MAD2L2: variants seen among roughly 807,000 people sequenced by gnomAD.
MAD2L2 encodes the protein mitotic arrest deficient 2 like 2.
Under a neutral mutation model 30.5 loss-of-function variants are expected in MAD2L2, and 17 were observed. That is an observed-to-expected ratio of 0.56 (90% CI 0.38 to 0.84). The LOEUF (loss-of-function observed/expected upper bound fraction) is 0.84, where lower values mean the gene tolerates loss of function less well. Among genes scored for constraint, MAD2L2 ranks in the 40% least tolerant of loss-of-function variants. The pLI is 0.00. For synonymous variants in MAD2L2, 101 were observed against 113.9 expected (o/e 0.89, Z 0.72); for missense variants, 213 against 277.4 (o/e 0.77, Z 1.65).
rs1377489677 is a variant in MAD2L2, at chr1:11,690,944, GTGTT to G, written c.-692+465_-692+468del. Among the ~76,000 whole-genome samples, 3 of 148,066 alleles carry G rather than the reference GTGTT, an allele frequency of 2.0e-5. No homozygotes were observed. Among genetic ancestry groups the G allele is most frequent in the Non-Finnish European group, 3.0e-5 (2 of 66,218 alleles). ...GCCGCGTGTGAGTGTGTGTGTGTGT[GTGTT>G]TGTGTGTGTGTGTATTGGGGCGGTT... On this transcript the variant is annotated intron_variant, in intron 1 of 10. Coordinates refer to the MAD2L2 transcript ENST00000235310. This position sits in a 1 kb window ranked among gnomAD's most constrained non-coding sequence, Gnocchi z 4.2.
chr1:11,676,886 G>T lies in MAD2L2; in HGVS notation c.294C>A (p.Phe98Leu). 6.2e-7 allele frequency: 1 copy of T among 1,614,168 alleles called. No individual in the cohort carries two copies. The highest frequency in any genetic ancestry group is 8.5e-7 in the Non-Finnish European group (1 of 1,180,012). Reference sequence around the variant, plus strand: ...GTGGAGGCTGGGTGATCTCAAAGACGAATTTCTCCACTGGGCGGTGCTCTT... The same window carrying T: ...GTGGAGGCTGGGTGATCTCAAAGACTAATTTCTCCACTGGGCGGTGCTCTT... ...LDKEHRPVEK[F>L]VFEITQPPLL... The change falls in exon 5 of 9, where the codon TTC (phenylalanine) becomes TTA (leucine). Residue 98 changes from phenylalanine (F) to leucine (L), a missense_variant. By Grantham distance (22) the Phe-to-Leu change is conservative (BLOSUM62 0). Transcript: ENST00000376692.
chr1:11,679,964 G>T (rs1358764560), intron 3 of MAD2L2, among the ~76,000 whole-genome samples: 1 of 151,076 alleles, frequency 6.6e-6, no homozygotes, highest in Admixed American at 6.6e-5. Context: ...GAATGAGGTG[G>T]CTTGGCCCGA....
intron 1 of MAD2L2, 90 bp from the exon 2 acceptor site, chr1:11,680,703 CTG>C: frequency 6.8e-7 from 1 of 1,479,790 alleles, no homozygotes. Flanking sequence ...TCCCCACAGT[CTG>C]TGGGAACTGG....
chr1:11,686,725 C>T (rs1446055938), intron 1 of MAD2L2, among the ~76,000 whole-genome samples: 2 of 142,588 alleles, frequency 1.4e-5, no homozygotes, highest in African/African-American at 5.2e-5. Flanking sequence ...ATGCCTTACA[C>T]AACATCAGGA....
rs1006902993 is a variant in MAD2L2 at position 11,688,712 on chromosome 1, C to T, written c.-692+2701G>A. On this transcript the variant is annotated intron_variant, in intron 1 of 10. Transcript: ENST00000235310. The surrounding 1 kb of genome is among the most constrained non-coding windows in gnomAD (Gnocchi z 4.6). ...TAGAGGTGTCTGAACCAGAGCAACCCCATCTTGAGTAGGGGCTGGGTCAAA... is the reference window on the plus strand; with the variant it reads ...TAGAGGTGTCTGAACCAGAGCAACCTCATCTTGAGTAGGGGCTGGGTCAAA... Among the ~76,000 whole-genome samples the T allele has an allele frequency of 3.3e-5, 5 of 152,190 alleles. No homozygotes were observed. The highest frequency in any genetic ancestry group is 1.2e-4 in the African/African-American group (5 of 41,446).
rs1305752522 is a variant in MAD2L2 at position 11,687,681 on chromosome 1, T to A, written c.-692+3732A>T. 6.6e-6 allele frequency among the ~76,000 whole-genome samples: 1 copy of A among 152,248 alleles called. No individual in the cohort carries two copies. Among genetic ancestry groups the A allele is most frequent in the Non-Finnish European group, 1.5e-5 (1 of 68,046 alleles). On this transcript the variant is annotated intron_variant, in intron 1 of 10. Coordinates refer to the MAD2L2 transcript ENST00000235310. This position sits in a 1 kb window ranked among gnomAD's most constrained non-coding sequence, Gnocchi z 4.1. ...ATGAGCCACTGCGCCTGACCTGGAC[T>A]TGCCAATACGGAACATTCCATATAA...
At chr1:11,684,174 G>A (rs921065559), upstream of MAD2L2, among the ~76,000 whole-genome samples, 4 of 152,094 alleles carry the variant, frequency 2.6e-5, no homozygotes, top group Admixed American at 6.5e-5. Flanking sequence ...CCATGGGGGC[G>A]GGGGCAGGGG....
intron 1 of MAD2L2, among the ~76,000 whole-genome samples, chr1:11,686,776 A>G (rs1393157149): frequency 2.7e-5 from 4 of 149,944 alleles, no homozygotes; most frequent in Non-Finnish European, 5.9e-5. Flanking sequence ...GCCACAAGGT[A>G]AGAACTTTTG....
chr1:11,676,163 C>G (rs373373788), intron 5 of MAD2L2, 23 bp from the exon 6 acceptor site: 1 of 1,509,214 alleles, frequency 6.6e-7, no homozygotes, highest in Non-Finnish European at 9.1e-7. Flanking sequence ...GGAGGTCTTC[C>G]CATCACACTG....
Position 11,687,062 on chromosome 1 carries a change from T to A in MAD2L2, c.-692+4351A>T, listed in dbSNP as rs1165177076. Among the ~76,000 whole-genome samples the A allele has an allele frequency of 3.3e-5, 5 of 152,228 alleles. No individual in the cohort carries two copies. The highest frequency in any genetic ancestry group is 3.4e-3 in the Middle Eastern group (1 of 294). ...TGTTCTATGGATTGTCCAATTTTTT[T>A]ATTTTTTTATTTTATTTTTTGGAGA... On this transcript the variant is annotated intron_variant, in intron 1 of 10. Transcript: ENST00000235310. This position sits in a 1 kb window ranked among gnomAD's most constrained non-coding sequence, Gnocchi z 4.1.
At chr1:11,677,473 T>G in intron 4 of MAD2L2, 70 bp downstream of exon 4, 1 of 1,432,588 alleles carries the variant, frequency 7.0e-7, no homozygotes, top group South Asian at 1.1e-5. Flanking sequence ...ATCCCAGAGT[T>G]GGACTGTGAG....
rs1466602746 is a variant in MAD2L2, at chr1:11,674,837, G to C, written c.595-21C>G. On this transcript the variant is annotated intron_variant, in intron 8 of 8. Coordinates refer to ENST00000376692, the MANE Select transcript of MAD2L2 (RefSeq NM_006341.4). This position sits in a 1 kb window ranked among gnomAD's most constrained non-coding sequence, Gnocchi z 6.1. ...TGCATCTGACGGACACAAGCAAACA[G>C]CCACAGTCAGCAAGACAGCCAGGGC... 1.2e-6 allele frequency: 2 copies of C among 1,613,370 alleles called. No homozygotes were observed. The highest frequency in any genetic ancestry group is 2.7e-5 in the African/African-American group (2 of 74,932).
intron 8 of MAD2L2, 74 bp downstream of exon 8, chr1:11,675,008 T>C: frequency 1.5e-6 from 2 of 1,369,832 alleles, no homozygotes; most frequent in Non-Finnish European, 2.0e-6. Flanking sequence ...AGCCCTCTAG[T>C]AAGGCCTCAG....
Position 11,677,425 on chromosome 1 carries a change from G to A in MAD2L2, c.231+118C>T, listed in dbSNP as rs751815993. 7.1e-6 allele frequency: 7 copies of A among 989,418 alleles called. No homozygotes were observed. In the South Asian group the frequency reaches 9.3e-5, roughly 13 times the overall value. The allele number at this position is 989,418 out of a possible 1,614,324, so 61.3% of individuals were successfully genotyped here. ...TGCAGGGAACAGGCTTCTGGGTATT[G>A]GAGCCATGAAGACCCCACAGAGTCC... is the stretch of plus-strand genomic sequence containing the variant. On this transcript the variant is annotated intron_variant, in intron 4 of 8. Transcript: ENST00000376692.
At chr1:11,684,792 C>A (rs1640931120), upstream of MAD2L2, among the ~76,000 whole-genome samples, 1 of 152,192 alleles carries the variant, frequency 6.6e-6, no homozygotes, top group African/African-American at 2.4e-5. Context: ...GTGAGACACA[C>A]ATAGCCTGGT....
chr1:11,687,082 T>C lies in MAD2L2; in HGVS notation c.-692+4331A>G, dbSNP rs560997420. On this transcript the variant is annotated intron_variant, in intron 1 of 10. Transcript: ENST00000235310. The surrounding 1 kb of genome is among the most constrained non-coding windows in gnomAD (Gnocchi z 4.1). ...TTTTTTATTTTTTTATTTTATTTTT[T>C]GGAGACAGGGTCTCACTCTGTCATC... Among the ~76,000 whole-genome samples the C allele has an allele frequency of 1.4e-4, 22 of 152,166 alleles. No homozygotes were observed. Among genetic ancestry groups the C allele is most frequent in the Non-Finnish European group, 2.4e-4 (16 of 68,036 alleles).
chr1:11,689,843 T>G (rs1367086319), intron 1 of MAD2L2, among the ~76,000 whole-genome samples: 3 of 152,042 alleles, frequency 2.0e-5, no homozygotes, highest in Non-Finnish European at 2.9e-5. Flanking sequence ...ACCCCTTTCC[T>G]GTAACAACAT....
At chr1:11,682,527 A>C (rs891552627), upstream of MAD2L2, among the ~76,000 whole-genome samples, 1 of 146,446 alleles carries the variant, frequency 6.8e-6, no homozygotes, top group African/African-American at 2.5e-5. Flanking sequence ...TAAGTAACCC[A>C]TTAAGCTAGG....
upstream of MAD2L2, among the ~76,000 whole-genome samples, chr1:11,685,442 G>T (rs1375314049): frequency 6.6e-6 from 1 of 152,130 alleles, no homozygotes; most frequent in Non-Finnish European, 1.5e-5. Flanking sequence ...AAAAGCAAGG[G>T]CTGTGGCATG....
Sources: allele counts gnomAD v4.1 joint callset (sites outside exome capture counted in the v4.1 genomes callset), GRCh38; gene constraint gnomAD v4.1.1; non-coding constraint Gnocchi (gnomAD v3.1); transcripts MANE v1.5; gene names NCBI Gene and HGNC (gene_info 2026-07-23, HGNC 2026-07-21).